The following DLG2 variants were observed in gnomAD, a reference collection of about 807,000 sequenced individuals.
The protein encoded by DLG2 is discs large MAGUK scaffold protein 2.
In DLG2, 45 loss-of-function variants were observed where a neutral mutation model predicts 132.5. The ratio of observed to expected loss-of-function variants is 0.34; its 90% CI spans 0.27 to 0.44. The LOEUF (loss-of-function observed/expected upper bound fraction) is 0.44. Among genes scored for constraint, DLG2 ranks in the 20% least tolerant of loss-of-function variants. DLG2 has a pLI of 1.00. For synonymous variants in DLG2, 424 were observed against 419.6 expected, an observed-to-expected ratio of 1.01 and a Z score of -0.13; for missense variants, 1,045 against 1,196.9, an observed-to-expected ratio of 0.87 and a Z score of 1.87.
chr11:83,735,127 C>T (rs192167700), intron 18 of DLG2, among the ~76,000 whole-genome samples: 1 of 151,796 alleles, frequency 6.6e-6, no homozygotes, highest in East Asian at 1.9e-4. Context: ...TTAATATTGG[C>T]CGATTAGAGA....
chr11:84,600,771 C>T (rs1397140824), intron 6 of DLG2, among the ~76,000 whole-genome samples: 1 of 152,054 alleles, frequency 6.6e-6, no homozygotes, highest in Non-Finnish European at 1.5e-5. Context: ...CAACAGTAAA[C>T]TTTGTATACC....
intron 6 of DLG2, chr11:84,955,442 C>T (rs1014987492): frequency 6.6e-6 from 1 of 152,122 alleles, no homozygotes; most frequent in African/African-American, 2.4e-5. Context: ...AGAATTTGTG[C>T]TCTTAATCAT....
intron 6 of DLG2, among the ~76,000 whole-genome samples, chr11:84,804,249 G>A (rs183727952): frequency 8.6e-4 from 131 of 152,250 alleles, no homozygotes; most frequent in Middle Eastern, 3.4e-3. Flanking sequence ...CAGTGACTTT[G>A]CCAGCCAGAA....
chr11:84,458,679 A>C (rs1228588366), intron 7 of DLG2, among the ~76,000 whole-genome samples: 1 of 150,574 alleles, frequency 6.6e-6, no homozygotes, highest in African/African-American at 2.4e-5. Context: ...AGTATTTTGA[A>C]GTTCTTATGT....
At chr11:84,652,750 T>C (rs954176826) in intron 6 of DLG2, among the ~76,000 whole-genome samples, 1 of 152,170 alleles carries the variant, frequency 6.6e-6, no homozygotes, top group African/African-American at 2.4e-5. Context: ...TTAACTATTA[T>C]TGTTAGACCC....
At chr11:84,287,978 C>T (rs569567575) in intron 7 of DLG2, among the ~76,000 whole-genome samples, 81 of 16,372 alleles carry the variant, frequency 4.9e-3, no homozygotes, top group African/African-American at 0.013. Flanking sequence ...AGTATGGAAA[C>T]GGGAGAGAGC....
At chr11:84,195,453 C>T (rs768359578) in intron 8 of DLG2, among the ~76,000 whole-genome samples, 8 of 152,242 alleles carry the variant, frequency 5.3e-5, no homozygotes, top group South Asian at 2.1e-4. Flanking sequence ...CATAAGCTAC[C>T]GTGCCCAGCC....
intron 15 of DLG2, among the ~76,000 whole-genome samples, chr11:83,902,696 A>G (rs2073795623): frequency 6.6e-6 from 1 of 152,144 alleles, no homozygotes; most frequent in African/African-American, 2.4e-5. Flanking sequence ...AGGTATTAGG[A>G]AGACAGAAAT....
At chr11:85,323,158 C>T (rs1279433978) in intron 3 of DLG2, among the ~76,000 whole-genome samples, 1 of 152,190 alleles carries the variant, frequency 6.6e-6, no homozygotes, top group Non-Finnish European at 1.5e-5. Flanking sequence ...AAACCTTTCT[C>T]TCTCTCTTGC....
chr11:83,927,358 A>G (rs1006757948), intron 15 of DLG2, among the ~76,000 whole-genome samples: 2 of 152,180 alleles, frequency 1.3e-5, no homozygotes, highest in Non-Finnish European at 2.9e-5. Flanking sequence ...TGAAAAATAG[A>G]AAGAAAATAT....
intron 15 of DLG2, among the ~76,000 whole-genome samples, chr11:83,908,248 G>A (rs2075388163): frequency 1.3e-5 from 2 of 152,102 alleles, no homozygotes; most frequent in Admixed American, 1.3e-4. Flanking sequence ...GTATGAATAA[G>A]TGAATGAGTT....
At chr11:83,678,506 C>T (rs2078163682) in intron 18 of DLG2, among the ~76,000 whole-genome samples, 1 of 152,182 alleles carries the variant, frequency 6.6e-6, no homozygotes, top group Non-Finnish European at 1.5e-5. Flanking sequence ...CAGTGATTAA[C>T]AGCATCCATC....
At chr11:84,791,326 G>C (rs540743620) in intron 6 of DLG2, among the ~76,000 whole-genome samples, 2 of 152,102 alleles carry the variant, frequency 1.3e-5, no homozygotes, top group African/African-American at 4.8e-5. Flanking sequence ...TGGCAGTACC[G>C]TGCTATTGTG....
At chr11:84,878,793 A>ACAACATTT (rs1162790397) in intron 6 of DLG2, among the ~76,000 whole-genome samples, 5 of 152,210 alleles carry the variant, frequency 3.3e-5, no homozygotes, top group Non-Finnish European at 7.3e-5. Context: ...GAGCTACAAG[A>ACAACATTT]CAACATTTTC....
chr11:84,587,074 G>A (rs947538760), intron 6 of DLG2, among the ~76,000 whole-genome samples: 2 of 152,134 alleles, frequency 1.3e-5, no homozygotes, highest in African/African-American at 4.8e-5. Context: ...GTCTAGTTCA[G>A]GTCACTGGTT....
intron 9 of DLG2, among the ~76,000 whole-genome samples, chr11:84,138,646 A>G (rs956927570): frequency 3.9e-5 from 6 of 152,172 alleles, no homozygotes; most frequent in Non-Finnish European, 7.3e-5. Flanking sequence ...AACATACTAC[A>G]ACTAGGAAAC....
chr11:84,491,349 C>T (rs112184477), intron 7 of DLG2, among the ~76,000 whole-genome samples: 11,432 of 152,098 alleles, frequency 0.075, 576 homozygotes, highest in South Asian at 0.16. Flanking sequence ...ATTTGCCTGC[C>T]GCCATCCACG....
intron 6 of DLG2, among the ~76,000 whole-genome samples, chr11:84,650,863 G>GTA (rs1417830252): frequency 0.013 from 1,210 of 91,784 alleles, 10 homozygotes; most frequent in African/African-American, 0.037. Flanking sequence ...GTGTGTGTGT[G>GTA]TGTGTGTGTG....
At chr11:84,631,666 T>C (rs1256336279) in intron 6 of DLG2, among the ~76,000 whole-genome samples, 2 of 151,964 alleles carry the variant, frequency 1.3e-5, no homozygotes, top group African/African-American at 2.4e-5. Context: ...CCCTGCCCAA[T>C]ACATACACAT....
Sources: allele counts gnomAD v4.1 joint callset (sites outside exome capture counted in the v4.1 genomes callset), GRCh38; gene constraint gnomAD v4.1.1; transcripts MANE v1.5; gene names NCBI Gene and HGNC (gene_info 2026-07-23, HGNC 2026-07-21).